The following IGSF10 variants were observed in gnomAD, a reference collection of about 807,000 sequenced individuals.
IGSF10 encodes the protein calvaria mechanical force protein 608.
Under a neutral mutation model 128.2 loss-of-function variants are expected in IGSF10, and 126 were observed. The observed-to-expected ratio is 0.98, with a 90% CI of 0.85 to 1.14. IGSF10 has a LOEUF of 1.14. Among genes scored for constraint, IGSF10 ranks in the 50% most tolerant of loss-of-function variants. The pLI is 0.00. For missense variants in IGSF10, 3,295 were observed against 3,149.8 expected (o/e 1.05, Z -1.10); for synonymous variants, 1,185 against 1,146.2 (o/e 1.03, Z -0.68).
chr3:151,506,100 C>T, the IGSF10 span, among the ~76,000 whole-genome samples: 25 of 152,246 alleles, frequency 1.6e-4, no homozygotes, highest in Middle Eastern at 0.01. Context: ...TACAGGCACA[C>T]GCCACTACGC....
chr3:151,541,628 T>G, the IGSF10 span, among the ~76,000 whole-genome samples: 1 of 151,054 alleles, frequency 6.6e-6, no homozygotes, highest in East Asian at 2.3e-4. Flanking sequence ...TCTCTCTGCA[T>G]ATGTTTTAGT....
At chr3:151,582,298 G>GC in the IGSF10 span, among the ~76,000 whole-genome samples, 1 of 111,060 alleles carries the variant, frequency 9.0e-6, no homozygotes, top group African/African-American at 3.3e-5. Flanking sequence ...TATCCGGGGG[G>GC]GGGGGCGGGA....
chr3:151,440,759 T>C (rs1195187322), intron 7 of IGSF10: 15 of 395,296 alleles, frequency 3.8e-5, no homozygotes, highest in Non-Finnish European at 1.0e-5. Context: ...GTGTGCAGCA[T>C]GGCTTGGGCA....
downstream of IGSF10, chr3:151,432,681 CAA>C (rs1168619507): frequency 1.8e-6 from 2 of 1,126,448 alleles, no homozygotes; most frequent in Middle Eastern, 1.9e-4. Flanking sequence ...AGAGCAGTGA[CAA>C]GAGGGTAGCA....
Position 151,445,544 on chromosome 3 carries a change from A to G in IGSF10, c.4437T>C (p.Pro1479=), listed in dbSNP as rs757889604. The G allele has an allele frequency of 6.2e-7, 1 of 1,614,054 alleles. No individual in the cohort carries two copies. Among genetic ancestry groups the G allele is most frequent in the South Asian group, 1.1e-5 (1 of 91,074 alleles). The part of the protein sequence containing the change: ...SATLMPVPIS[P]PFTQRAVTDN... ...CAGTAACTGCTCTCTGAGTAAAGGG[A>G]GGGGAGATGGGAACTGGCATTAGAG... The change falls in exon 6 of 8, where the codon CCT becomes CCC. Residue 1479 remains proline (P), a synonymous_variant. Coordinates refer to ENST00000282466, the MANE Select transcript of IGSF10 (RefSeq NM_178822.5).
chr3:151,465,780 C>T (rs6774093), upstream of IGSF10, among the ~76,000 whole-genome samples: 110,888 of 152,024 alleles, frequency 0.73, 40,625 homozygotes, highest in Middle Eastern at 0.95. Flanking sequence ...CTGAGAGGGA[C>T]GTTGTACTTC....
At chr3:151,572,442 G>A in the IGSF10 span, among the ~76,000 whole-genome samples, 1 of 152,152 alleles carries the variant, frequency 6.6e-6, no homozygotes, top group African/African-American at 2.4e-5. Context: ...TCTTGGTTTA[G>A]TCTTGGGAAG....
At position 151,436,618 on chromosome 3, in the gene IGSF10, T is replaced by G; in HGVS notation, c.*71A>C. ...GTATTCAAATTCATTTACATGCCTA[T>G]GGCTGCCTTTGATTAAACTTCTTCC... On this transcript the variant is annotated 3_prime_UTR_variant, in exon 8 of 8. Coordinates refer to ENST00000282466, the MANE Select transcript of IGSF10 (RefSeq NM_178822.5). 9.5e-7 allele frequency: 1 copy of G among 1,052,724 alleles called. No homozygotes were observed. The highest frequency in any genetic ancestry group is 1.4e-6 in the Non-Finnish European group (1 of 712,914). The allele number at this position is 1,052,724 out of a possible 1,614,324, so 65.2% of individuals were successfully genotyped here.
Position 151,447,853 on chromosome 3 carries a change from T to C in IGSF10, c.2128A>G (p.Lys710Glu). Residue 710 changes from lysine (K) to glutamate (E), a missense_variant, in exon 6 of 8, where the codon AAA becomes GAA. Coordinates refer to ENST00000282466, the MANE Select transcript of IGSF10 (RefSeq NM_178822.5). ...CTCTTACTTGTGCTTGAGGTGTGTT[T>C]TCCAACCTCAGCCTCCATCAGAGCA... ...TSALMEAEVG[K>E]HTSSTSKRHN... The C allele has an allele frequency of 1.9e-6, 3 of 1,614,076 alleles. No individual in the cohort carries two copies. Among genetic ancestry groups the C allele is most frequent in the Non-Finnish European group, 2.5e-6 (3 of 1,180,016 alleles).
chr3:151,473,925 A>T, the IGSF10 span, among the ~76,000 whole-genome samples: 1 of 152,066 alleles, frequency 6.6e-6, no homozygotes, highest in African/African-American at 2.4e-5. Context: ...ACTAGCTTTG[A>T]AAAAGATAAG....
chr3:151,570,853 C>A, the IGSF10 span, among the ~76,000 whole-genome samples: 4 of 152,012 alleles, frequency 2.6e-5, no homozygotes, highest in South Asian at 2.1e-4. Flanking sequence ...TCTTCTAGGG[C>A]TTTTATGGTT....
the IGSF10 span, among the ~76,000 whole-genome samples, chr3:151,588,447 C>A: frequency 6.6e-6 from 1 of 151,966 alleles, no homozygotes; most frequent in Admixed American, 6.6e-5. Context: ...TATTTTTTTC[C>A]CTATAGCAAA....
chr3:151,549,828 T>TA, the IGSF10 span, among the ~76,000 whole-genome samples: 8 of 152,146 alleles, frequency 5.3e-5, no homozygotes, highest in African/African-American at 9.7e-5. Flanking sequence ...ATTTGTTAAC[T>TA]AATCTAGATA....
the IGSF10 span, among the ~76,000 whole-genome samples, chr3:151,604,592 A>AACACACACACAC: frequency 2.4e-4 from 34 of 144,648 alleles, no homozygotes; most frequent in African/African-American, 7.2e-4. Context: ...GTACCAATAT[A>AACACACACACAC]ACACACACAC....
chr3:151,535,487 G>A, the IGSF10 span, among the ~76,000 whole-genome samples: 110 of 152,054 alleles, frequency 7.2e-4, no homozygotes, highest in African/African-American at 2.5e-3. Flanking sequence ...CTAACTATTC[G>A]GTACTATTCT....
the IGSF10 span, among the ~76,000 whole-genome samples, chr3:151,547,009 G>A: frequency 1.2e-5 from 1 of 84,584 alleles, no homozygotes; most frequent in African/African-American, 4.2e-5. Context: ...GACCTCCGGC[G>A]ATCCACCCCC....
At chr3:151,587,261 G>C in the IGSF10 span, among the ~76,000 whole-genome samples, 1 of 152,110 alleles carries the variant, frequency 6.6e-6, no homozygotes, top group African/African-American at 2.4e-5. Context: ...AGAGTATCAC[G>C]TCAGAATTTT....
chr3:151,455,180 G>A (rs1384201468), intron 4 of IGSF10, among the ~76,000 whole-genome samples: 5 of 96,264 alleles, frequency 5.2e-5, no homozygotes, highest in Admixed American at 1.1e-4. Flanking sequence ...GAGTGATCTC[G>A]GCTCACTACA....
At chr3:151,434,796 A>ATGAG (rs1195667790), downstream of IGSF10, 2 of 152,248 alleles carry the variant, frequency 1.3e-5, no homozygotes, top group Non-Finnish European at 2.9e-5. Context: ...TGTTTTAAGA[A>ATGAG]TGAGTGTTAT....
Sources: gnomAD v4.1 joint callset for allele counts (sites outside exome capture counted in the v4.1 genomes callset) on GRCh38, gnomAD v4.1.1 for gene constraint, MANE v1.5 for transcripts, NCBI Gene and HGNC (gene_info 2026-07-23, HGNC 2026-07-21) for gene names.